The following TTN variants were observed in gnomAD, a reference collection of about 807,000 sequenced individuals.
TTN encodes connectin.
Under a neutral mutation model 3,223.0 loss-of-function variants are expected in TTN, and 1,525 were observed. That is an observed-to-expected ratio of 0.47 (90% CI 0.45 to 0.49). TTN has a LOEUF of 0.49. Ranked by LOEUF, TTN falls within the 20% of genes least tolerant of loss-of-function variation. The probability of loss-of-function intolerance (pLI) is 0.00; values close to 1 mark genes in which losing one functional copy is unlikely to be tolerated. For missense variants in TTN, 40,786 were observed against 43,424.0 expected, an observed-to-expected ratio of 0.94 and a Z score of 5.40; for synonymous variants, 14,094 against 15,161.0, an observed-to-expected ratio of 0.93 and a Z score of 5.17.
chr2:178,568,561 A>G lies in TTN; in HGVS notation c.77571T>C (p.Ile25857=), dbSNP rs879135756. 9 of 1,613,458 alleles carry G rather than the reference A, an allele frequency of 5.6e-6. No homozygotes were observed. Among genetic ancestry groups the G allele is most frequent in the Non-Finnish European group, 6.8e-6 (8 of 1,179,570 alleles). The part of the protein sequence containing the change: ...TDSLDLTTLS[I]KETHKDDGGQ... ...CACCATCATCCTTATGAGTTTCTTT[A>G]ATACTGAGTGTGGTGAGATCCAGTG... The change falls in exon 326 of 363, where the codon ATT becomes ATC. Residue 25857 remains isoleucine (I), a synonymous_variant. Transcript: ENST00000589042.
chr2:178,698,766 C>T lies in TTN; in HGVS notation c.30754+77G>A, dbSNP rs550547431. On this transcript the variant is annotated intron_variant, in intron 112 of 362. Transcript: ENST00000589042. ...TGATTGCAAACTCTTACCCTTCCTT[C>T]ACCCTCCACTGTTTAGAATTTAAAA... 3.7e-6 allele frequency: 5 copies of T among 1,352,400 alleles called. No homozygotes were observed. The Admixed American group carries it at 1.0e-4, about 27-fold the overall frequency. The allele number at this position is 1,352,400 out of a possible 1,614,324, so 83.8% of individuals were successfully genotyped here.
chr2:178,542,409 G>A lies in TTN; in HGVS notation c.97347C>T (p.Pro32449=), dbSNP rs753266734. 7.4e-6 allele frequency: 12 copies of A among 1,613,478 alleles called. No individual in the cohort carries two copies. The highest frequency in any genetic ancestry group is 2.2e-5 in the East Asian group (1 of 44,822). The part of the protein sequence containing the change: ...QRDAHRPGWL[P]VSESVTRSTF... Reference sequence around the variant, plus strand: ...TGGACCTAGTCACTGATTCAGAAACGGGCAGCCATCCTGGACGATGAGCGT... The same window carrying A: ...TGGACCTAGTCACTGATTCAGAAACAGGCAGCCATCCTGGACGATGAGCGT... Residue 32449 remains proline (P), a synonymous_variant, in exon 349 of 363, where the codon CCC becomes CCT. Transcript: ENST00000589042.
Position 178,777,263 on chromosome 2 carries a change from A to T in TTN, c.4700T>A (p.Ile1567Lys). The T allele has an allele frequency of 6.2e-7, 1 of 1,614,048 alleles. No homozygotes were observed. Among genetic ancestry groups the T allele is most frequent in the Non-Finnish European group, 8.5e-7 (1 of 1,179,952 alleles). ...CATTTCAAGTCGGGAACCTTCCTTT[A>T]TATTGACATTTTTCAGTTTTTCTAC... ...MFVEKLKNVN[I>K]KEGSRLEMKV... is the part of the protein sequence containing the mutation. The change falls in exon 27 of 363, where the codon ATA becomes AAA. Residue 1567 changes from isoleucine (I) to lysine (K), a missense_variant. Coordinates refer to ENST00000589042, the MANE Select transcript of TTN (RefSeq NM_001267550.2).
chr2:178,794,950 G>A lies in TTN; in HGVS notation c.1217C>T (p.Ala406Val). The part of the protein sequence containing the change: ...ASVSASASYA[A>V]EAVATGAKEV... ...TTTAGCACCAGTGGCAACAGCCTCT[G>A]CTGCGTAGCTAGCACTGGCCGACAC... The change falls in exon 7 of 363, where the codon GCA becomes GTA. Residue 406 changes from alanine to valine, a missense_variant. Coordinates refer to ENST00000589042, the MANE Select transcript of TTN (RefSeq NM_001267550.2). The A allele has an allele frequency of 6.2e-7, 1 of 1,603,894 alleles. No individual in the cohort carries two copies. Among genetic ancestry groups the A allele is most frequent in the Non-Finnish European group, 8.5e-7 (1 of 1,179,970 alleles).
chr2:178,663,756 C>A, intron 170 of TTN, 46 bp from the exon 171 acceptor site: 8 of 1,611,066 alleles, frequency 5.0e-6, no homozygotes, highest in Non-Finnish European at 6.8e-6. Flanking sequence ...ATGAAGACCA[C>A]TGGAAAAAAT....
At chr2:178,665,543 T>G in intron 164 of TTN, 83 bp from the exon 165 acceptor site, 2 of 1,466,768 alleles carry the variant, frequency 1.4e-6, no homozygotes, top group Non-Finnish European at 1.9e-6. Context: ...AAGTGATATT[T>G]ATGGCTAAAA....
Position 178,718,561 on chromosome 2 carries a change from A to G in TTN, c.24545T>C (p.Val8182Ala). Residue 8182 changes from valine (V) to alanine (A), a missense_variant, in exon 85 of 363, where the codon GTT becomes GCT. Val to Ala is a moderately conservative substitution (Grantham distance 64). Coordinates refer to ENST00000589042, the MANE Select transcript of TTN (RefSeq NM_001267550.2). ...GAGAACTATGGGGCTTCCTGTCTCAACACTGAAATCAGCCAATCTTTTCAC... is the reference window on the plus strand; with the variant it reads ...GAGAACTATGGGGCTTCCTGTCTCAGCACTGAAATCAGCCAATCTTTTCAC... ...TFVKRLADFS[V>A]ETGSPIVLEA... 1 of 1,613,422 alleles carries G rather than the reference A, an allele frequency of 6.2e-7. No homozygotes were observed. The highest frequency in any genetic ancestry group is 8.5e-7 in the Non-Finnish European group (1 of 1,179,526).
rs376371272 is a variant in TTN at position 178,533,181 on chromosome 2, G to T, written c.103434C>A (p.Asp34478Glu). The T allele has an allele frequency of 1.8e-5, 29 of 1,613,924 alleles. No homozygotes were observed. The African/African-American group carries it at 3.6e-4, about 20-fold the overall frequency. Residue 34478 changes from aspartate to glutamate, a missense_variant, in exon 358 of 363, where the codon GAC becomes GAA. By Grantham distance (45) the Asp-to-Glu change is conservative. Transcript: ENST00000589042. ...EHERHVQKQIDKTLRMAEILS... is the reference protein window; with the variant it reads ...EHERHVQKQIEKTLRMAEILS... ...GAATTTCAGCCATTCTGAGGGTTTT[G>T]TCAATTTGTTTTTGTACGTGTCGCT... is the stretch of plus-strand genomic sequence containing the variant.
At position 178,709,551 on chromosome 2, in the gene TTN, G is replaced by C. The variant is rs762670701; in HGVS notation, c.28753+15C>G. ...AAGAAAAACACAACAGGTTGGGGCT[G>C]TGAGGATAACTCACCTTTGATGACG... On this transcript the variant is annotated intron_variant, in intron 99 of 362. Transcript: ENST00000589042. 6 of 1,596,940 alleles carry C rather than the reference G, an allele frequency of 3.8e-6. No individual in the cohort carries two copies. The highest frequency in any genetic ancestry group is 4.3e-6 in the Non-Finnish European group (5 of 1,166,694).
intron 242 of TTN, 87 bp from the exon 243 acceptor site, chr2:178,622,854 T>A: frequency 9.7e-7 from 1 of 1,033,180 alleles, no homozygotes; most frequent in Non-Finnish European, 1.4e-6. Context: ...AAAAAGTGAC[T>A]CTTTTTTAGG....
chr2:178,748,312 A>T, intron 47 of TTN: 1 of 1,612,822 alleles, frequency 6.2e-7, no homozygotes, highest in Non-Finnish European at 8.5e-7. Context: ...AAGAAATGGA[A>T]TTTTCATCAA....
At chr2:178,745,488 G>A (rs1022632665) in intron 47 of TTN, 1 of 1,546,656 alleles carries the variant, frequency 6.5e-7, no homozygotes, top group South Asian at 1.2e-5. Context: ...CAAATATGGT[G>A]GACCTGTTTG....
rs2154184195 is a variant in TTN, at chr2:178,590,129, A to G, written c.61596T>C (p.Val20532=). The G allele has an allele frequency of 7.4e-6, 12 of 1,613,246 alleles. No individual in the cohort carries two copies. The highest frequency in any genetic ancestry group is 9.3e-6 in the Non-Finnish European group (11 of 1,179,482). ...TAACAGCTTCTTTAATTTGTAACTC[A>G]ACACGAGGTAGATCCTGAATAAGGT... ...RVDLIQDLPR[V]ELQIKEAVRA... The change falls in exon 304 of 363, where the codon GTT becomes GTC. Residue 20532 remains valine (V), a synonymous_variant. Coordinates refer to ENST00000589042, the MANE Select transcript of TTN (RefSeq NM_001267550.2).
intron 138 of TTN, 49 bp from the exon 139 acceptor site, chr2:178,680,380 C>G (rs140681346): frequency 1.4e-6 from 2 of 1,479,818 alleles, no homozygotes; most frequent in Non-Finnish European, 1.9e-6. Context: ...AAAGGCCACC[C>G]AGCCAATGCT....
chr2:178,616,338 A>T, intron 257 of TTN, 141 bp downstream of exon 257: 1 of 1,116,792 alleles, frequency 9.0e-7, no homozygotes, highest in Non-Finnish European at 1.3e-6. Flanking sequence ...GCACCGATGC[A>T]TTCTTAAAAA....
chr2:178,681,763 T>C lies in TTN; in HGVS notation c.33095-25A>G, dbSNP rs752883383. 4 of 1,540,616 alleles carry C rather than the reference T, an allele frequency of 2.6e-6. No individual in the cohort carries two copies. The South Asian group carries it at 4.9e-5, about 19-fold the overall frequency. On this transcript the variant is annotated intron_variant, in intron 135 of 362. Coordinates refer to ENST00000589042, the MANE Select transcript of TTN (RefSeq NM_001267550.2). ...TCTTTAAAAGTACATACAAGGTATT[T>C]CATGTTAGACTTAGAATATAAGTTT...
chr2:178,792,635 T>C (rs1369071105), intron 9 of TTN, among the ~76,000 whole-genome samples: 2 of 152,270 alleles, frequency 1.3e-5, no homozygotes, highest in Non-Finnish European at 2.9e-5. Flanking sequence ...TCTGCATTTA[T>C]ACAATATTTT....
intron 330 of TTN, chr2:178,555,554 T>C (rs1701061888): frequency 5.3e-6 from 1 of 190,192 alleles, no homozygotes; most frequent in Non-Finnish European, 1.1e-5. Flanking sequence ...GATATCCAAG[T>C]GTGGATGGTT....
Position 178,776,263 on chromosome 2 carries a change from G to T in TTN, c.5601C>A (p.Tyr1867Ter). ...GGTACCAGTTGACTTTGGGCTGAGG[G>T]TAGCCTGTTACCCTGCAGCGGAACC... ...TARFRCRVTG[Y>*]PQPKVNWYLN... The change falls in exon 28 of 363, where the codon TAC (tyrosine) becomes TAA (stop). Residue 1867 changes from tyrosine (Y) to a stop codon, truncating the protein, a stop_gained. Coordinates refer to ENST00000589042, the MANE Select transcript of TTN (RefSeq NM_001267550.2). LOFTEE classifies it high-confidence loss of function. 6.2e-7 allele frequency: 1 copy of T among 1,614,116 alleles called. No individual in the cohort carries two copies. The highest frequency in any genetic ancestry group is 1.1e-5 in the South Asian group (1 of 91,082).
Sources: allele counts gnomAD v4.1 joint callset (sites outside exome capture counted in the v4.1 genomes callset), GRCh38; gene constraint gnomAD v4.1.1; transcripts MANE v1.5; gene names NCBI Gene and HGNC (gene_info 2026-07-23, HGNC 2026-07-21).